Variants in TNFAIP8 observed in about 807,000 individuals in gnomAD.
TNFAIP8 encodes the protein TNF alpha induced protein 8.
TNFAIP8 carries 7 observed loss-of-function variants against 13.3 expected under a neutral mutation model. That is an observed-to-expected ratio of 0.52 (90% confidence interval 0.30 to 0.99). TNFAIP8 has a LOEUF of 0.99. Among genes scored for constraint, TNFAIP8 ranks in the 50% least tolerant of loss-of-function variants. The pLI, the probability that TNFAIP8 is intolerant of heterozygous loss-of-function variation, is 0.07. For missense variants in TNFAIP8, 258 were observed against 236.9 expected, an observed-to-expected ratio of 1.09 and a Z score of -0.58; for synonymous variants, 94 against 87.6, an observed-to-expected ratio of 1.07 and a Z score of -0.41.
chr5:119,386,297 C>G (rs2112851913), intron 1 of TNFAIP8, among the ~76,000 whole-genome samples: 1 of 152,178 alleles, frequency 6.6e-6, no homozygotes, highest in South Asian at 2.1e-4. Context: ...ATATTTGGTT[C>G]AAGGAGGATC....
At chr5:119,339,007 A>C (rs1424192093) in intron 1 of TNFAIP8, among the ~76,000 whole-genome samples, 2 of 152,078 alleles carry the variant, frequency 1.3e-5, no homozygotes, top group African/African-American at 4.8e-5. Flanking sequence ...TGATTGTGCT[A>C]CTGCACTTCA....
chr5:119,324,274 C>CAAAAAAAAAAAAAAAAA (rs56104829), intron 1 of TNFAIP8, among the ~76,000 whole-genome samples: 1 of 77,682 alleles, frequency 1.3e-5, no homozygotes, highest in Non-Finnish European at 2.5e-5. Context: ...GACGCCATCT[C>CAAAAAAAAAAAAAAAAA]AAAAAAAAAA....
chr5:119,339,457 GTTTTTTTTT>G (rs397884992), intron 1 of TNFAIP8, among the ~76,000 whole-genome samples: 2 of 116,214 alleles, frequency 1.7e-5, no homozygotes, highest in Non-Finnish European at 3.6e-5. Flanking sequence ...CTCTTGTGGT[GTTTTTTTTT>G]TTTTTTTTTT....
chr5:119,321,428 G>A (rs979484815), intron 1 of TNFAIP8, among the ~76,000 whole-genome samples: 2 of 152,090 alleles, frequency 1.3e-5, no homozygotes, highest in East Asian at 3.8e-4. Flanking sequence ...CCAAATTAAT[G>A]TATTTAACAC....
intron 1 of TNFAIP8, among the ~76,000 whole-genome samples, chr5:119,285,996 TTAG>T (rs1430723462): frequency 6.6e-6 from 1 of 152,210 alleles, no homozygotes; most frequent in Non-Finnish European, 1.5e-5. Flanking sequence ...CAACATACTG[TTAG>T]TAGTAGAACT....
rs939717728 is a variant in TNFAIP8 at position 119,345,132 on chromosome 5, A to G, written c.2-47684A>G. ...TCTGTATTGATAACTTTGTAGTTGTACAAAATAATACATATATATTGAAAT... is the reference window on the plus strand; with the variant it reads ...TCTGTATTGATAACTTTGTAGTTGTGCAAAATAATACATATATATTGAAAT... On this transcript the variant is annotated intron_variant, in intron 1 of 1. Coordinates refer to the TNFAIP8 transcript ENST00000274456. 5.3e-5 allele frequency among the ~76,000 whole-genome samples: 8 copies of G among 152,356 alleles called. No individual in the cohort carries two copies. In the South Asian group the frequency reaches 8.3e-4, roughly 16 times the overall value.
chr5:119,395,770 G>A lies in TNFAIP8; in HGVS notation c.*2389G>A, dbSNP rs1753058834. On this transcript the variant is annotated 3_prime_UTR_variant, in exon 2 of 2. Coordinates refer to ENST00000504771, the MANE Select transcript of TNFAIP8 (RefSeq NM_014350.4). ...TCCCCTTGAGCATTTAGGGTGGCAA[G>A]GAGCGTGGGAGCTGGGAAGAATCCC... 1 of 152,216 alleles carries A rather than the reference G, an allele frequency of 6.6e-6. No homozygotes were observed. Among genetic ancestry groups the A allele is most frequent in the African/African-American group, 2.4e-5 (1 of 41,458 alleles). The allele number at this position is 152,216 out of a possible 1,614,324, so 9.4% of individuals were successfully genotyped here. A position where few individuals can be genotyped will look rare whatever the true frequency, so the allele number is the denominator to read the frequency against.
rs551076846 is a variant in TNFAIP8 at position 119,328,462 on chromosome 5, T to C, written c.1+59555T>C. Among the ~76,000 whole-genome samples the C allele has an allele frequency of 3.2e-4, 49 of 152,346 alleles. 1 individual carries two copies. In the South Asian group the frequency reaches 9.7e-3, roughly 30 times the overall value. On this transcript the variant is annotated intron_variant, in intron 1 of 1. Coordinates refer to the TNFAIP8 transcript ENST00000274456. ...CTAGCATTCTCTGGATTGTTGTCTT[T>C]TCAAGAAACCACCTTCTGCTACCTT...
intron 1 of TNFAIP8, among the ~76,000 whole-genome samples, chr5:119,298,173 C>T (rs1202238258): frequency 1.3e-5 from 2 of 152,052 alleles, no homozygotes; most frequent in Non-Finnish European, 2.9e-5. Flanking sequence ...TTATTTTGCT[C>T]GTTAGTTGAT....
At chr5:119,384,236 G>C (rs778571872) in intron 1 of TNFAIP8, among the ~76,000 whole-genome samples, 1 of 152,168 alleles carries the variant, frequency 6.6e-6, no homozygotes, top group Non-Finnish European at 1.5e-5. Flanking sequence ...TGTAATCCTA[G>C]CACTTTGGGA....
intron 1 of TNFAIP8, among the ~76,000 whole-genome samples, chr5:119,325,487 G>A (rs11747236): frequency 6.6e-5 from 10 of 152,112 alleles, no homozygotes; most frequent in South Asian, 2.1e-4. Flanking sequence ...TCACTCTGTC[G>A]CCCAGGCTGG....
chr5:119,349,379 A>C (rs1751035499), intron 1 of TNFAIP8, among the ~76,000 whole-genome samples: 1 of 152,268 alleles, frequency 6.6e-6, no homozygotes, highest in Non-Finnish European at 1.5e-5. Flanking sequence ...CCTGTTAAAT[A>C]AGTGACTTCA....
At chr5:119,334,661 A>G (rs913892833) in intron 1 of TNFAIP8, among the ~76,000 whole-genome samples, 18 of 106,548 alleles carry the variant, frequency 1.7e-4, no homozygotes, top group South Asian at 5.9e-4. Context: ...GTGTGTGTGT[A>G]TACCTGGGAG....
At chr5:119,379,193 A>G (rs1752392744) in intron 1 of TNFAIP8, among the ~76,000 whole-genome samples, 1 of 152,208 alleles carries the variant, frequency 6.6e-6, no homozygotes, top group Non-Finnish European at 1.5e-5. Context: ...ATACACCTTC[A>G]TGAATTGCTG....
At chr5:119,361,983 A>C (rs960537505) in intron 1 of TNFAIP8, among the ~76,000 whole-genome samples, 4 of 152,206 alleles carry the variant, frequency 2.6e-5, no homozygotes, top group Admixed American at 6.5e-5. Flanking sequence ...ATGTGTGTGT[A>C]GATAACCCCA....
intron 1 of TNFAIP8, among the ~76,000 whole-genome samples, chr5:119,342,514 G>GTT (rs201661949): frequency 6.6e-6 from 1 of 151,412 alleles, no homozygotes; most frequent in East Asian, 1.9e-4. Context: ...AATTTGCAGG[G>GTT]TTTTTTTTTG....
intron 1 of TNFAIP8, among the ~76,000 whole-genome samples, chr5:119,270,930 A>C (rs959132402): frequency 1.3e-5 from 2 of 152,222 alleles, no homozygotes; most frequent in African/African-American, 4.8e-5. Context: ...GGCAACTTTT[A>C]CTCCGTGTAC....
At chr5:119,276,012 A>C (rs2150800860) in intron 1 of TNFAIP8, among the ~76,000 whole-genome samples, 1 of 152,280 alleles carries the variant, frequency 6.6e-6, no homozygotes, top group South Asian at 2.1e-4. Flanking sequence ...TTGGGCAGTG[A>C]CTTGCGGAGA....
At chr5:119,299,495 T>A (rs1749290390) in intron 1 of TNFAIP8, among the ~76,000 whole-genome samples, 1 of 152,124 alleles carries the variant, frequency 6.6e-6, no homozygotes, top group Non-Finnish European at 1.5e-5. Flanking sequence ...TACCCGGCCG[T>A]GTGAGGTGTC....
Sources: gnomAD v4.1 joint callset for allele counts (sites outside exome capture counted in the v4.1 genomes callset) on GRCh38, gnomAD v4.1.1 for gene constraint, MANE v1.5 for transcripts, NCBI Gene and HGNC (gene_info 2026-07-23, HGNC 2026-07-21) for gene names.